The following COL4A2 variants were observed in gnomAD, a reference collection of about 807,000 sequenced individuals.
The protein encoded by COL4A2 is collagen type IV alpha 2 chain.
A neutral mutation model predicts 200.2 loss-of-function variants in COL4A2; 99 were observed. That is an observed-to-expected ratio of 0.49 (90% CI 0.42 to 0.58). The LOEUF is 0.58. Ranked by LOEUF, COL4A2 falls within the 20% of genes least tolerant of loss-of-function variation. COL4A2 has a pLI of 0.00. For synonymous variants in COL4A2, 897 were observed against 900.6 expected (o/e 1.00, Z 0.07); for missense variants, 1,950 against 2,314.1 (o/e 0.84, Z 3.23).
At chr13:110,444,209 T>A (rs1046719957) in intron 16 of COL4A2, among the ~76,000 whole-genome samples, 4 of 152,218 alleles carry the variant, frequency 2.6e-5, no homozygotes, top group East Asian at 1.9e-4. Context: ...CTTGGACCCT[T>A]CAGCAGAGAT....
intron 3 of COL4A2, among the ~76,000 whole-genome samples, chr13:110,344,893 T>G (rs1407719252): frequency 6.6e-6 from 1 of 152,244 alleles, no homozygotes; most frequent in African/African-American, 2.4e-5. Context: ...ACTGTGCTAT[T>G]ATTTGTATTA....
At chr13:110,479,187 C>T (rs1882804795) in intron 30 of COL4A2, among the ~76,000 whole-genome samples, 1 of 152,186 alleles carries the variant, frequency 6.6e-6, no homozygotes, top group African/African-American at 2.4e-5. Context: ...CTGAACACAG[C>T]GTCGTGTGGT....
intron 3 of COL4A2, among the ~76,000 whole-genome samples, chr13:110,350,451 C>T (rs115924140): frequency 0.042 from 6,454 of 152,252 alleles, 306 homozygotes; most frequent in African/African-American, 0.12. Flanking sequence ...CCACTGAGTC[C>T]TTAGGGCTCA....
chr13:110,388,205 T>C (rs1258343141), intron 4 of COL4A2, among the ~76,000 whole-genome samples: 1 of 152,204 alleles, frequency 6.6e-6, no homozygotes, highest in Admixed American at 6.5e-5. Context: ...CAAGGCTTAA[T>C]AACAGCCCCT....
chr13:110,501,632 A>G (rs1344613333), intron 40 of COL4A2, 36 bp from the exon 41 acceptor site: 11 of 1,552,698 alleles, frequency 7.1e-6, no homozygotes, highest in South Asian at 1.1e-5. Flanking sequence ...GTTGGGTGCT[A>G]ACGCTGAAAA....
At chr13:110,479,936 A>G (rs1566558368) in intron 30 of COL4A2, among the ~76,000 whole-genome samples, 1 of 152,206 alleles carries the variant, frequency 6.6e-6, no homozygotes, top group Non-Finnish European at 1.5e-5. Context: ...TCACATCAGC[A>G]TCCACACAGC....
At chr13:110,457,560 C>T (rs866300215) in intron 21 of COL4A2, 125 bp downstream of exon 21, 4 of 717,254 alleles carry the variant, frequency 5.6e-6, no homozygotes, top group African/African-American at 5.2e-5. Flanking sequence ...CATGTCTCTC[C>T]CAGCCTCCTG....
chr13:110,375,067 C>T (rs965041877), intron 4 of COL4A2, among the ~76,000 whole-genome samples: 3 of 152,220 alleles, frequency 2.0e-5, no homozygotes, highest in Admixed American at 6.5e-5. Context: ...AGAAGACATT[C>T]CTCACTATAA....
At chr13:110,325,788 C>CTT (rs111624101) in intron 3 of COL4A2, among the ~76,000 whole-genome samples, 1 of 143,926 alleles carries the variant, frequency 6.9e-6, no homozygotes, top group Non-Finnish European at 1.5e-5. Context: ...TCCTGAATTT[C>CTT]TTTTTTTTTT....
At chr13:110,412,816 TGATGTATCTCATCA>T (rs1465125209) in intron 4 of COL4A2, among the ~76,000 whole-genome samples, 1 of 152,244 alleles carries the variant, frequency 6.6e-6, no homozygotes, top group Admixed American at 6.5e-5. Context: ...GCAGATGGTC[TGATGTATCTCATCA>T]GATGCTGAGC....
Position 110,424,722 on chromosome 13 carries a change from T to C in COL4A2, c.181-12T>C, listed in dbSNP as rs1233185170. On this transcript the variant is annotated splice_polypyrimidine_tract_variant and intron_variant, in intron 4 of 47. Coordinates refer to ENST00000360467, the MANE Select transcript of COL4A2 (RefSeq NM_001846.4). ...ATTAATCGTGGAAATTGAACCTTTG[T>C]TGTTCCCACAGGGTCAGCCTGGGCC... 4 of 1,573,334 alleles carry C rather than the reference T, an allele frequency of 2.5e-6. No homozygotes were observed. The highest frequency in any genetic ancestry group is 1.8e-5 in the Admixed American group (1 of 54,904).
At chr13:110,430,488 G>T (rs755628265) in intron 9 of COL4A2, 52 bp downstream of exon 9, 1 of 1,613,970 alleles carries the variant, frequency 6.2e-7, no homozygotes, top group Admixed American at 1.7e-5. Flanking sequence ...AAGAGCTTCA[G>T]AACTCCAAGT....
chr13:110,314,440 C>A (rs1885079557), intron 3 of COL4A2, among the ~76,000 whole-genome samples: 2 of 152,204 alleles, frequency 1.3e-5, no homozygotes, highest in South Asian at 4.1e-4. Context: ...GAACAGAAGT[C>A]TCTTCCACTT....
chr13:110,393,184 G>A (rs1047053794), intron 4 of COL4A2, among the ~76,000 whole-genome samples: 1 of 152,198 alleles, frequency 6.6e-6, no homozygotes, highest in Admixed American at 6.5e-5. Context: ...TTCATCTCAT[G>A]TGCTTTTCTT....
intron 4 of COL4A2, among the ~76,000 whole-genome samples, chr13:110,408,848 T>TAC (rs1566517113): frequency 5.3e-5 from 1 of 18,842 alleles, no homozygotes; most frequent in Non-Finnish European, 1.2e-4. Flanking sequence ...CACGCACACA[T>TAC]ATACACACAT....
At chr13:110,454,442 C>T (rs558753860) in intron 20 of COL4A2, among the ~76,000 whole-genome samples, 2 of 152,142 alleles carry the variant, frequency 1.3e-5, no homozygotes, top group African/African-American at 4.8e-5. Context: ...ATGGTGACAT[C>T]TCTGAAGTGT....
intron 33 of COL4A2, among the ~76,000 whole-genome samples, chr13:110,485,349 C>T (rs1429261765): frequency 3.3e-5 from 5 of 152,020 alleles, no homozygotes; most frequent in African/African-American, 1.2e-4. Context: ...CGGTGAAACC[C>T]CGTCTCTACT....
chr13:110,387,990 G>A (rs1490229167), intron 4 of COL4A2, among the ~76,000 whole-genome samples: 3 of 152,136 alleles, frequency 2.0e-5, no homozygotes, highest in Non-Finnish European at 4.4e-5. Context: ...CGTGTGCCTC[G>A]GTTGTTTCTA....
chr13:110,482,390 C>G, intron 31 of COL4A2, 126 bp from the exon 32 acceptor site: 1 of 1,022,300 alleles, frequency 9.8e-7, no homozygotes, highest in Admixed American at 2.1e-5. Flanking sequence ...CCCCGGAAAT[C>G]CCTATTTTAG....
Sources: allele counts gnomAD v4.1 joint callset (sites outside exome capture counted in the v4.1 genomes callset), GRCh38; gene constraint gnomAD v4.1.1; transcripts MANE v1.5; gene names NCBI Gene and HGNC (gene_info 2026-07-23, HGNC 2026-07-21).